PLCB1: variants seen among roughly 807,000 people sequenced by gnomAD.
PLCB1 encodes 1-phosphatidylinositol 4,5-bisphosphate phosphodiesterase beta-1.
In PLCB1, 46 loss-of-function variants were observed where a neutral mutation model predicts 161.8. The observed-to-expected ratio is 0.28, with a 90% confidence interval of 0.22 to 0.36. PLCB1 has a LOEUF of 0.36. Ranked by LOEUF, PLCB1 falls within the 10% of genes least tolerant of loss-of-function variation. The pLI, the probability that PLCB1 is intolerant of heterozygous loss-of-function variation, is 1.00. For synonymous variants in PLCB1, 517 were observed against 503.7 expected (o/e 1.03, Z -0.35); for missense variants, 1,016 against 1,472.5 (o/e 0.69, Z 5.07).
At position 8,132,892 on chromosome 20, in the gene PLCB1, C is replaced by T. The variant is rs190207114; in HGVS notation, c.99+142C>T. The T allele has an allele frequency of 1.6e-6, 1 of 641,346 alleles. No individual in the cohort carries two copies. Among genetic ancestry groups the T allele is most frequent in the East Asian group, 3.0e-5 (1 of 33,588 alleles). 39.7% of individuals were successfully genotyped at this position (641,346 alleles called of 1,614,324 possible). A position where few individuals can be genotyped will look rare whatever the true frequency, so the allele number is the denominator to read the frequency against. ...CAGCCTCGGGCGCACAGGTTGGCAT[C>T]TGCCAAAGCGGATGTCCAAGGGCAG... On this transcript the variant is annotated intron_variant, in intron 1 of 31. Coordinates refer to ENST00000338037, the MANE Select transcript of PLCB1 (RefSeq NM_015192.4). This position sits in a 1 kb window ranked among gnomAD's most constrained non-coding sequence, Gnocchi z 5.2.
intron 3 of PLCB1, among the ~76,000 whole-genome samples, chr20:8,516,971 T>C (rs1984155195): frequency 6.6e-6 from 1 of 152,020 alleles, no homozygotes; most frequent in Non-Finnish European, 1.5e-5. Context: ...GTAGGTCCTG[T>C]GTACTGGGTG....
chr20:8,166,909 T>C (rs2051681484), intron 2 of PLCB1, among the ~76,000 whole-genome samples: 3 of 152,174 alleles, frequency 2.0e-5, no homozygotes, highest in African/African-American at 7.2e-5. Flanking sequence ...TCACCACACT[T>C]CTCACAGTTG....
chr20:8,759,896 A>ATTTT (rs3033840), intron 24 of PLCB1, among the ~76,000 whole-genome samples: 18,367 of 77,876 alleles, frequency 0.24, 2,744 homozygotes, highest in Non-Finnish European at 0.3. Context: ...ATAATATCAC[A>ATTTT]TTTTTTTTTT....
At chr20:8,548,140 C>G (rs1202831371) in intron 3 of PLCB1, among the ~76,000 whole-genome samples, 2 of 148,474 alleles carry the variant, frequency 1.3e-5, no homozygotes, top group Non-Finnish European at 3.0e-5. Context: ...TCCATTCTCT[C>G]CTTCTTTCTT....
intron 10 of PLCB1, among the ~76,000 whole-genome samples, chr20:8,696,489 C>T (rs529472106): frequency 1.3e-5 from 2 of 152,198 alleles, no homozygotes; most frequent in African/African-American, 4.8e-5. Flanking sequence ...GGTTCCTTAA[C>T]ATTTCTATAT....
intron 3 of PLCB1, chr20:8,372,257 C>G (rs1049267521): frequency 6.6e-6 from 1 of 152,090 alleles, no homozygotes; most frequent in African/African-American, 2.4e-5. Flanking sequence ...TAGCTATTTT[C>G]TATTTGAGTG....
intron 2 of PLCB1, among the ~76,000 whole-genome samples, chr20:8,353,483 T>C (rs534753382): frequency 1.3e-5 from 2 of 152,114 alleles, no homozygotes; most frequent in East Asian, 1.9e-4. Flanking sequence ...TAAAGAGTAA[T>C]TGTGATGCAG....
At chr20:8,447,365 C>T (rs1980880384) in intron 3 of PLCB1, among the ~76,000 whole-genome samples, 1 of 152,110 alleles carries the variant, frequency 6.6e-6, no homozygotes, top group African/African-American at 2.4e-5. Flanking sequence ...AAATGGGAGA[C>T]CTAAGACCAT....
intron 4 of PLCB1, among the ~76,000 whole-genome samples, chr20:8,640,286 G>A (rs1169749954): frequency 6.6e-6 from 1 of 152,188 alleles, no homozygotes; most frequent in Non-Finnish European, 1.5e-5. Context: ...TAAGCAGCAT[G>A]CTTAATGCCC....
intron 2 of PLCB1, among the ~76,000 whole-genome samples, chr20:8,327,030 C>T (rs1023129529): frequency 5.9e-5 from 9 of 152,172 alleles, no homozygotes; most frequent in Non-Finnish European, 1.3e-4. Flanking sequence ...GGACTACAGG[C>T]GTGCGCCACC....
chr20:8,233,342 T>G (rs953753282), intron 2 of PLCB1, among the ~76,000 whole-genome samples: 8 of 152,066 alleles, frequency 5.3e-5, no homozygotes, highest in African/African-American at 1.9e-4. Flanking sequence ...AAGGGGGAAA[T>G]CAGAGAAAGA....
chr20:8,431,750 G>T (rs961645981), intron 3 of PLCB1, among the ~76,000 whole-genome samples: 1 of 152,084 alleles, frequency 6.6e-6, no homozygotes, highest in East Asian at 1.9e-4. Flanking sequence ...CAAAAATTAC[G>T]CTGGGGTCTG....
intron 3 of PLCB1, among the ~76,000 whole-genome samples, chr20:8,472,804 G>A (rs6118204): frequency 0.084 from 12,811 of 152,182 alleles, 727 homozygotes; most frequent in Non-Finnish European, 0.12. Flanking sequence ...GACCAGGAAG[G>A]TCACCACAGT....
At chr20:8,721,506 G>T (rs1979631050) in intron 14 of PLCB1, among the ~76,000 whole-genome samples, 1 of 152,096 alleles carries the variant, frequency 6.6e-6, no homozygotes, top group Non-Finnish European at 1.5e-5. Context: ...ATTTAACCTA[G>T]CAGAAATGTC....
intron 3 of PLCB1, among the ~76,000 whole-genome samples, chr20:8,568,661 A>T (rs1027275569): frequency 7.3e-5 from 11 of 149,770 alleles, no homozygotes; most frequent in African/African-American, 2.4e-4. Context: ...TTTATTTTGA[A>T]TTTTTTTTTT....
chr20:8,235,946 T>C (rs1980296362), intron 2 of PLCB1, among the ~76,000 whole-genome samples: 1 of 152,108 alleles, frequency 6.6e-6, no homozygotes, highest in African/African-American at 2.4e-5. Context: ...TCCAAAGTAG[T>C]TTTAAATAAG....
At chr20:8,744,547 G>T (rs1049030925) in intron 23 of PLCB1, among the ~76,000 whole-genome samples, 8 of 150,138 alleles carry the variant, frequency 5.3e-5, no homozygotes, top group Non-Finnish European at 8.8e-5. Context: ...GACAGAGGCT[G>T]CAATTAACTA....
rs71329695 is a variant in PLCB1, at chr20:8,139,081, G to GTTTTTTTT, written c.99+6347_99+6354dup. On this transcript the variant is annotated intron_variant, in intron 1 of 31. Coordinates refer to ENST00000338037, the MANE Select transcript of PLCB1 (RefSeq NM_015192.4). ...CCTACATCTGTCTTTTATTTCAAGG[G>GTTTTTTTT]TTTTTTTTTTTTTTTTTTTTTTTGA... 9.2e-4 allele frequency among the ~76,000 whole-genome samples: 84 copies of GTTTTTTTT among 91,648 alleles called. 2 individuals are homozygous for GTTTTTTTT. The highest frequency in any genetic ancestry group is 2.0e-3 in the Admixed American group (12 of 5,944). The allele number at this position is 91,648 out of a possible 152,430, so 60.1% of individuals were successfully genotyped here. A position where few individuals can be genotyped will look rare whatever the true frequency, so the allele number is the denominator to read the frequency against.
chr20:8,715,159 G>A (rs1388922943), intron 12 of PLCB1, among the ~76,000 whole-genome samples: 1 of 152,130 alleles, frequency 6.6e-6, no homozygotes, highest in East Asian at 1.9e-4. Context: ...ACAGACTGTA[G>A]ATCAAATTCA....
Sources: allele counts gnomAD v4.1 joint callset (sites outside exome capture counted in the v4.1 genomes callset), GRCh38; gene constraint gnomAD v4.1.1; non-coding constraint Gnocchi (gnomAD v3.1); transcripts MANE v1.5; gene names NCBI Gene and HGNC (gene_info 2026-07-23, HGNC 2026-07-21).